The following PCSK2 variants were observed in gnomAD, a reference collection of about 807,000 sequenced individuals.
PCSK2 encodes neuroendocrine convertase 2.
A neutral mutation model predicts 69.7 loss-of-function variants in PCSK2; 14 were observed. The ratio of observed to expected loss-of-function variants is 0.20; its 90% CI spans 0.13 to 0.31. The LOEUF (loss-of-function observed/expected upper bound fraction) is 0.31, where lower values mean the gene tolerates loss of function less well. PCSK2 is among the 10% of genes least tolerant of loss of function. The pLI is 1.00. For missense variants in PCSK2, 544 were observed against 842.5 expected, an observed-to-expected ratio of 0.65 and a Z score of 4.39; for synonymous variants, 307 against 320.7, an observed-to-expected ratio of 0.96 and a Z score of 0.46.
At chr20:17,232,278 C>G (rs937646518) in intron 1 of PCSK2, among the ~76,000 whole-genome samples, 5 of 152,150 alleles carry the variant, frequency 3.3e-5, no homozygotes, top group African/African-American at 4.8e-5. Flanking sequence ...GTAGTTATAC[C>G]AATTTACATT....
At chr20:17,405,456 A>G (rs2123296319) in intron 5 of PCSK2, among the ~76,000 whole-genome samples, 1 of 152,348 alleles carries the variant, frequency 6.6e-6, no homozygotes, top group African/African-American at 2.4e-5. Flanking sequence ...CATTGACTGC[A>G]GGAGCTCTCA....
intron 7 of PCSK2, among the ~76,000 whole-genome samples, chr20:17,433,619 G>T (rs2032411628): frequency 6.6e-6 from 1 of 152,198 alleles, no homozygotes; most frequent in Non-Finnish European, 1.5e-5. Flanking sequence ...GGCTCTAAAT[G>T]AATGGAAGAG....
intron 5 of PCSK2, among the ~76,000 whole-genome samples, chr20:17,399,903 G>C (rs984498932): frequency 1.3e-5 from 2 of 152,000 alleles, no homozygotes; most frequent in Admixed American, 1.3e-4. Flanking sequence ...TTTCTATAAG[G>C]AACAACATAA....
intron 6 of PCSK2, among the ~76,000 whole-genome samples, chr20:17,428,421 T>G (rs975898204): frequency 2.0e-5 from 3 of 152,122 alleles, no homozygotes; most frequent in African/African-American, 7.2e-5. Context: ...TGTGTGTGTG[T>G]GTGTATTTTC....
intron 2 of PCSK2, among the ~76,000 whole-genome samples, chr20:17,342,583 G>T (rs1264385430): frequency 6.6e-6 from 1 of 151,974 alleles, no homozygotes; most frequent in Admixed American, 6.6e-5. Context: ...CTTCCAAAGT[G>T]CTGGGATTAC....
Position 17,362,079 on chromosome 20 carries a change from G to C in PCSK2, c.505+1439G>C, listed in dbSNP as rs549244962. Among the ~76,000 whole-genome samples the C allele has an allele frequency of 8.5e-5, 13 of 152,332 alleles. No homozygotes were observed. The South Asian group carries it at 2.7e-3, about 32-fold the overall frequency. On this transcript the variant is annotated intron_variant, in intron 4 of 11. Coordinates refer to ENST00000262545, the MANE Select transcript of PCSK2 (RefSeq NM_002594.5). ...ACTAAAGTGCCAACAGATGTGCATT[G>C]CTCTGCTCTTAGGAAACCTCCAAGA...
At chr20:17,475,343 A>G (rs1213295566) in intron 11 of PCSK2, among the ~76,000 whole-genome samples, 1 of 151,786 alleles carries the variant, frequency 6.6e-6, no homozygotes. Context: ...AGGGAAGGGG[A>G]TCTGAATGAG....
At chr20:17,310,504 T>A (rs1166828129) in intron 2 of PCSK2, among the ~76,000 whole-genome samples, 1 of 152,132 alleles carries the variant, frequency 6.6e-6, no homozygotes, top group Non-Finnish European at 1.5e-5. Flanking sequence ...TATCTTGACC[T>A]CTGAGATGCC....
At chr20:17,303,506 T>TATATTTAATAAA in intron 2 of PCSK2, among the ~76,000 whole-genome samples, 2 of 41,560 alleles carry the variant, frequency 4.8e-5, no homozygotes, top group African/African-American at 1.6e-4. Context: ...ATATAATATA[T>TATATTTAATAAA]ATTATATATA....
intron 8 of PCSK2, among the ~76,000 whole-genome samples, chr20:17,446,708 T>G (rs2032705023): frequency 6.6e-6 from 1 of 152,202 alleles, no homozygotes. Context: ...GAATAAAATT[T>G]TTCATGAACT....
At chr20:17,370,286 T>G (rs1389354864) in intron 5 of PCSK2, among the ~76,000 whole-genome samples, 1 of 152,136 alleles carries the variant, frequency 6.6e-6, no homozygotes, top group Non-Finnish European at 1.5e-5. Context: ...CAGCAAAAAG[T>G]GTTTGGAGGT....
intron 11 of PCSK2, among the ~76,000 whole-genome samples, chr20:17,480,975 C>T (rs573617393): frequency 3.3e-5 from 5 of 152,252 alleles, no homozygotes; most frequent in East Asian, 3.9e-4. Context: ...AAGCAGTGGA[C>T]GTGCAAGGGA....
At chr20:17,413,135 A>G (rs1332776395) in intron 6 of PCSK2, among the ~76,000 whole-genome samples, 1 of 152,200 alleles carries the variant, frequency 6.6e-6, no homozygotes, top group African/African-American at 2.4e-5. Flanking sequence ...AACGGGCAAA[A>G]TAACCAGCTA....
intron 10 of PCSK2, among the ~76,000 whole-genome samples, chr20:17,461,884 T>C (rs188972161): frequency 6.6e-6 from 1 of 152,308 alleles, no homozygotes. Context: ...CATACCTGTA[T>C]CCAAATATCT....
At chr20:17,423,644 C>G (rs1269408320) in intron 6 of PCSK2, among the ~76,000 whole-genome samples, 7 of 149,612 alleles carry the variant, frequency 4.7e-5, no homozygotes, top group Non-Finnish European at 1.0e-4. Flanking sequence ...CACTTTTGTA[C>G]AAAAAAAAAA....
intron 6 of PCSK2, among the ~76,000 whole-genome samples, chr20:17,410,778 C>T (rs548949602): frequency 2.9e-4 from 44 of 152,292 alleles, no homozygotes; most frequent in African/African-American, 9.6e-4. Context: ...CAAATGTGTG[C>T]CATTAAGCTG....
intron 2 of PCSK2, among the ~76,000 whole-genome samples, chr20:17,264,795 A>G (rs1255731402): frequency 6.6e-6 from 1 of 152,204 alleles, no homozygotes; most frequent in Non-Finnish European, 1.5e-5. Flanking sequence ...ATTATTTATT[A>G]TAAATTAAAA....
intron 5 of PCSK2, among the ~76,000 whole-genome samples, chr20:17,405,620 C>T (rs1027441529): frequency 2.0e-5 from 3 of 152,202 alleles, no homozygotes; most frequent in Admixed American, 6.5e-5. Flanking sequence ...CCTTTCTTAG[C>T]GTGGTGCAGG....
Position 17,358,332 on chromosome 20 carries a change from G to A in PCSK2, c.288G>A (p.Lys96=). 1 of 1,588,048 alleles carries A rather than the reference G, an allele frequency of 6.3e-7. No individual in the cohort carries two copies. Among genetic ancestry groups the A allele is most frequent in the Non-Finnish European group, 8.6e-7 (1 of 1,156,320 alleles). ...TGTCAGCATTGTCATTCCAGGTAAA[G>A]ATGGCTTTGCAGCAGGAAGGATTTG... ...KQQLERDPRV[K]MALQQEGFDR... The change falls in exon 3 of 12, where the codon AAG becomes AAA. Residue 96 remains lysine (K), a synonymous_variant. Transcript: ENST00000262545.
Sources: allele counts gnomAD v4.1 joint callset (sites outside exome capture counted in the v4.1 genomes callset), GRCh38; gene constraint gnomAD v4.1.1; transcripts MANE v1.5; gene names NCBI Gene and HGNC (gene_info 2026-07-23, HGNC 2026-07-21).